Variants in CNTN5 observed in about 807,000 individuals in gnomAD.
The protein encoded by CNTN5 is contactin-5.
In CNTN5, 77 loss-of-function variants were observed where a neutral mutation model predicts 129.1. That is an observed-to-expected ratio of 0.60 (90% CI 0.50 to 0.72). The LOEUF (loss-of-function observed/expected upper bound fraction) is 0.72, where lower values mean the gene tolerates loss of function less well. Among genes scored for constraint, CNTN5 ranks in the 30% least tolerant of loss-of-function variants. The probability of loss-of-function intolerance (pLI) is 0.00; values close to 1 mark genes in which losing one functional copy is unlikely to be tolerated. For missense variants in CNTN5, 1,478 were observed against 1,328.8 expected (o/e 1.11, Z -1.75); for synonymous variants, 509 against 465.6 (o/e 1.09, Z -1.20).
chr11:100,094,693 G>A (rs1213447633), intron 13 of CNTN5, among the ~76,000 whole-genome samples: 1 of 148,968 alleles, frequency 6.7e-6, no homozygotes, highest in Non-Finnish European at 1.5e-5. Context: ...AAGAAATGAA[G>A]GAAGGAAAGC....
intron 9 of CNTN5, among the ~76,000 whole-genome samples, chr11:100,031,387 A>G (rs1941699788): frequency 6.6e-6 from 1 of 152,130 alleles, no homozygotes; most frequent in East Asian, 1.9e-4. Flanking sequence ...GTTTCACATC[A>G]CCAAGATTCC....
intron 8 of CNTN5, 134 bp downstream of exon 8, chr11:99,957,143 C>T (rs1020840120): frequency 1.4e-6 from 1 of 729,840 alleles, no homozygotes; most frequent in Non-Finnish European, 2.2e-6. Context: ...TTAGACACTA[C>T]ATTTTTAGGC....
At chr11:99,975,186 A>T (rs1937863812) in intron 8 of CNTN5, among the ~76,000 whole-genome samples, 1 of 152,256 alleles carries the variant, frequency 6.6e-6, no homozygotes, top group African/African-American at 2.4e-5. Flanking sequence ...TTTACAAAAA[A>T]CATAAGAACA....
intron 1 of CNTN5, among the ~76,000 whole-genome samples, chr11:99,025,010 G>T (rs1488231793): frequency 6.6e-6 from 1 of 151,798 alleles, no homozygotes; most frequent in Admixed American, 6.6e-5. Context: ...TTTCTAAGTG[G>T]TTCTTAAAAA....
At chr11:99,598,804 C>A (rs557996088) in intron 3 of CNTN5, among the ~76,000 whole-genome samples, 94 of 151,870 alleles carry the variant, frequency 6.2e-4, no homozygotes, top group Middle Eastern at 6.8e-3. Flanking sequence ...AGGACTTTTA[C>A]AGTAGGGAAT....
At chr11:99,211,265 T>G (rs529517786) in intron 1 of CNTN5, among the ~76,000 whole-genome samples, 16 of 152,264 alleles carry the variant, frequency 1.1e-4, no homozygotes, top group African/African-American at 3.8e-4. Context: ...TGAAACATAT[T>G]CTTTGTAACC....
intron 21 of CNTN5, among the ~76,000 whole-genome samples, chr11:100,320,889 G>C (rs1951677849): frequency 6.6e-6 from 1 of 151,974 alleles, no homozygotes; most frequent in Non-Finnish European, 1.5e-5. Context: ...TAATTTCCCG[G>C]TGTTTTATTC....
chr11:99,819,854 C>T, intron 4 of CNTN5, 89 bp downstream of exon 4: 2 of 500,120 alleles, frequency 4.0e-6, no homozygotes, highest in Non-Finnish European at 6.1e-6. Context: ...CAAGACTATT[C>T]CAGTAGGAGA....
At chr11:99,802,697 A>C (rs1284570047) in intron 3 of CNTN5, among the ~76,000 whole-genome samples, 1 of 152,084 alleles carries the variant, frequency 6.6e-6, no homozygotes, top group African/African-American at 2.4e-5. Flanking sequence ...CAGCCTGCTT[A>C]TCCAGGCAGA....
chr11:99,462,455 A>C (rs1944751077), intron 2 of CNTN5, among the ~76,000 whole-genome samples: 1 of 149,318 alleles, frequency 6.7e-6, no homozygotes, highest in South Asian at 2.1e-4. Context: ...ATGAATGAGC[A>C]TTATATTGAT....
chr11:99,055,424 C>T (rs1166462323), intron 1 of CNTN5, among the ~76,000 whole-genome samples: 1 of 152,002 alleles, frequency 6.6e-6, no homozygotes. Context: ...ATATAATTAA[C>T]TGAGTACAAT....
intron 2 of CNTN5, among the ~76,000 whole-genome samples, chr11:99,354,813 C>G (rs865920403): frequency 4.6e-5 from 7 of 152,136 alleles, no homozygotes; most frequent in African/African-American, 1.7e-4. Flanking sequence ...TATAACAGTT[C>G]CATGTTTAAA....
chr11:100,110,028 A>C (rs1355415889), intron 13 of CNTN5, among the ~76,000 whole-genome samples: 4 of 151,926 alleles, frequency 2.6e-5, no homozygotes, highest in African/African-American at 9.7e-5. Context: ...AAATACAAAA[A>C]ATTAGCCTGG....
intron 2 of CNTN5, among the ~76,000 whole-genome samples, chr11:99,444,069 G>A (rs936459499): frequency 6.6e-5 from 10 of 151,756 alleles, no homozygotes; most frequent in East Asian, 3.9e-4. Context: ...GTGGTGGTGG[G>A]CGCCTGTAGT....
Position 99,032,473 on chromosome 11 carries a change from A to G in CNTN5, c.-210+11203A>G, listed in dbSNP as rs1275695532. ...TGATTGCCATTCTAACTGGTGTGAG[A>G]TGGTATCTCATTGTGGTTTTGATTT... On this transcript the variant is annotated intron_variant, in intron 1 of 24. Coordinates refer to ENST00000524871, the MANE Select transcript of CNTN5 (RefSeq NM_014361.4). Among the ~76,000 whole-genome samples, 825 of 149,822 alleles carry G rather than the reference A, an allele frequency of 5.5e-3. 5 individuals are homozygous for G. The highest frequency in any genetic ancestry group is 0.019 in the African/African-American group (781 of 41,034).
intron 3 of CNTN5, among the ~76,000 whole-genome samples, chr11:99,597,158 T>C (rs934104012): frequency 6.6e-6 from 1 of 152,160 alleles, no homozygotes; most frequent in African/African-American, 2.4e-5. Flanking sequence ...ACAATACCAA[T>C]CATATGATTC....
At chr11:99,179,627 G>A (rs1857949010) in intron 1 of CNTN5, among the ~76,000 whole-genome samples, 1 of 152,158 alleles carries the variant, frequency 6.6e-6, no homozygotes, top group Admixed American at 6.5e-5. Context: ...CCCAAAGGCT[G>A]TATCAAAGGA....
chr11:99,283,743 GC>G (rs1863804555), intron 1 of CNTN5, among the ~76,000 whole-genome samples: 1 of 152,028 alleles, frequency 6.6e-6, no homozygotes, highest in South Asian at 2.1e-4. Context: ...GAGTAGCTTT[GC>G]TTTTTAGAAA....
At chr11:99,784,175 G>A (rs903455107) in intron 3 of CNTN5, among the ~76,000 whole-genome samples, 17 of 151,958 alleles carry the variant, frequency 1.1e-4, no homozygotes, top group Non-Finnish European at 2.9e-5. Context: ...TTTAAGTTCT[G>A]GGATACATGT....
Sources: gnomAD v4.1 joint callset for allele counts (sites outside exome capture counted in the v4.1 genomes callset) on GRCh38, gnomAD v4.1.1 for gene constraint, MANE v1.5 for transcripts, NCBI Gene and HGNC (gene_info 2026-07-23, HGNC 2026-07-21) for gene names.